Variants in PM20D2 observed in about 807,000 individuals in gnomAD.
PM20D2 encodes the protein xaa-Arg dipeptidase.
A neutral mutation model predicts 42.9 loss-of-function variants in PM20D2; 33 were observed. The observed-to-expected ratio is 0.77, with a 90% CI of 0.58 to 1.03. PM20D2 has a LOEUF of 1.03. PM20D2 is among the 50% of genes least tolerant of loss of function. The pLI, the probability that PM20D2 is intolerant of heterozygous loss-of-function variation, is 0.00. For missense variants in PM20D2, 548 were observed against 557.0 expected (o/e 0.98, Z 0.16); for synonymous variants, 250 against 228.2 (o/e 1.10, Z -0.86).
the PM20D2 span, chr6:89,118,030 C>T: frequency 1.3e-6 from 1 of 771,554 alleles, no homozygotes; most frequent in Non-Finnish European, 1.9e-6. Flanking sequence ...AGCGCGCAGC[C>T]GCAGAGGCCG....
At chr6:89,121,564 C>T in the PM20D2 span, among the ~76,000 whole-genome samples, 2 of 152,160 alleles carry the variant, frequency 1.3e-5, no homozygotes, top group Admixed American at 6.5e-5. Context: ...CATATTTACC[C>T]TTTGTTCTAG....
At chr6:89,130,819 C>CCTTTTTTTTTTTTTTTT in the PM20D2 span, among the ~76,000 whole-genome samples, 4 of 24,056 alleles carry the variant, frequency 1.7e-4, no homozygotes, top group African/African-American at 5.7e-4. Context: ...GCTTCTTCTT[C>CCTTTTTTTTTTTTTTTT]TTTTTTTTTT....
At chr6:89,155,582 G>A (rs1206712946) in intron 4 of PM20D2, among the ~76,000 whole-genome samples, 2 of 151,978 alleles carry the variant, frequency 1.3e-5, no homozygotes, top group Non-Finnish European at 2.9e-5. Flanking sequence ...GAACCACCTC[G>A]CCCAGCCAGC....
At chr6:89,097,940 T>C in the PM20D2 span, 1 of 152,204 alleles carries the variant, frequency 6.6e-6, no homozygotes, top group Non-Finnish European at 1.5e-5. Flanking sequence ...ATATTACTAA[T>C]GTGGTCATGG....
the PM20D2 span, among the ~76,000 whole-genome samples, chr6:89,111,526 A>G: frequency 6.6e-6 from 1 of 152,174 alleles, no homozygotes; most frequent in African/African-American, 2.4e-5. Context: ...TACTAAACTT[A>G]TTAGTTCTAG....
chr6:89,103,174 C>G, the PM20D2 span, among the ~76,000 whole-genome samples: 1 of 152,096 alleles, frequency 6.6e-6, no homozygotes, highest in Non-Finnish European at 1.5e-5. Flanking sequence ...TCCTTCCATC[C>G]CTGATACTCC....
At chr6:89,105,322 A>G in the PM20D2 span, 2 of 1,568,376 alleles carry the variant, frequency 1.3e-6, no homozygotes, top group South Asian at 2.3e-5. Context: ...AGTAACAACC[A>G]CTCAACTAGC....
At chr6:89,155,707 CT>C (rs1487091310) in intron 4 of PM20D2, among the ~76,000 whole-genome samples, 1 of 151,296 alleles carries the variant, frequency 6.6e-6, no homozygotes, top group Non-Finnish European at 1.5e-5. Flanking sequence ...TGATTTGTTT[CT>C]GTTTGTTTGT....
intron 3 of PM20D2, among the ~76,000 whole-genome samples, 176 bp from the exon 4 acceptor site, chr6:89,154,572 T>C (rs919819690): frequency 6.6e-6 from 1 of 152,234 alleles, no homozygotes; most frequent in Non-Finnish European, 1.5e-5. Flanking sequence ...TATCACCCTA[T>C]GTAAAGAAAT....
chr6:89,100,867 G>A, the PM20D2 span, among the ~76,000 whole-genome samples: 1 of 152,134 alleles, frequency 6.6e-6, no homozygotes, highest in Non-Finnish European at 1.5e-5. Flanking sequence ...CACTTTGGGA[G>A]GCCAAGGCGA....
chr6:89,118,974 T>C, the PM20D2 span, among the ~76,000 whole-genome samples: 1 of 152,226 alleles, frequency 6.6e-6, no homozygotes, highest in African/African-American at 2.4e-5. Flanking sequence ...CAGCCTGTTA[T>C]TCAGGGCTGG....
rs947364413 is a variant in PM20D2 at position 89,164,354 on chromosome 6, G to C, written c.*2091G>C. On this transcript the variant is annotated 3_prime_UTR_variant, in exon 7 of 7. Coordinates refer to ENST00000275072, the MANE Select transcript of PM20D2 (RefSeq NM_001010853.3). ...GAGTGCCTATTTCTAAGCACTGGGT[G>C]TAAGAAGAAAAGACACTTGCAAAGG... 1 of 152,546 alleles carries C rather than the reference G, an allele frequency of 6.6e-6. No individual in the cohort carries two copies. The highest frequency in any genetic ancestry group is 1.5e-5 in the Non-Finnish European group (1 of 68,018). The allele number at this position is 152,546 out of a possible 1,614,324, so 9.4% of individuals were successfully genotyped here.
the PM20D2 span, among the ~76,000 whole-genome samples, chr6:89,111,749 T>A: frequency 6.6e-6 from 1 of 152,220 alleles, no homozygotes; most frequent in Admixed American, 6.5e-5. Context: ...TCATTAAGTA[T>A]GATGTTAGCT....
At chr6:89,146,685 T>C in intron 1 of PM20D2, 76 bp downstream of exon 1, 6 of 1,212,040 alleles carry the variant, frequency 5.0e-6, no homozygotes, top group Non-Finnish European at 6.4e-6. Flanking sequence ...GGGACTCTCG[T>C]GCGTCCCGCG....
chr6:89,160,248 A>G (rs1200283689), intron 5 of PM20D2, among the ~76,000 whole-genome samples: 7 of 152,212 alleles, frequency 4.6e-5, no homozygotes, highest in African/African-American at 1.4e-4. Flanking sequence ...AGAGGCTACT[A>G]TGCCTCAAAG....
the PM20D2 span, among the ~76,000 whole-genome samples, chr6:89,108,511 C>CA: frequency 6.6e-6 from 1 of 152,216 alleles, no homozygotes; most frequent in African/African-American, 2.4e-5. Context: ...TTAACCACTA[C>CA]ACCCTACTGC....
chr6:89,117,125 G>C, the PM20D2 span, among the ~76,000 whole-genome samples: 518 of 152,086 alleles, frequency 3.4e-3, 3 homozygotes, highest in Non-Finnish European at 3.4e-3. Context: ...ACACTCTGTA[G>C]ACAAAATTCT....
the PM20D2 span, chr6:89,106,948 G>A: frequency 1.6e-6 from 1 of 611,466 alleles, no homozygotes; most frequent in East Asian, 3.5e-5. Context: ...TCGCCTGCTG[G>A]GTTTATGCTT....
the PM20D2 span, among the ~76,000 whole-genome samples, chr6:89,116,762 C>G: frequency 2.8e-5 from 4 of 141,700 alleles, no homozygotes; most frequent in Non-Finnish European, 4.6e-5. Flanking sequence ...GGGACAAGAG[C>G]GAGACTTTGT....
Sources: allele counts gnomAD v4.1 joint callset (sites outside exome capture counted in the v4.1 genomes callset), GRCh38; gene constraint gnomAD v4.1.1; transcripts MANE v1.5; gene names NCBI Gene and HGNC (gene_info 2026-07-23, HGNC 2026-07-21).